LARGE1: variants seen among roughly 807,000 people sequenced by gnomAD.
LARGE1 encodes LARGE xylosyl- and glucuronyltransferase 1.
LARGE1 carries 43 observed loss-of-function variants against 87.6 expected under a neutral mutation model. That is an observed-to-expected ratio of 0.49 (90% confidence interval 0.38 to 0.63). LARGE1 has a LOEUF of 0.63. Among genes scored for constraint, LARGE1 ranks in the 30% least tolerant of loss-of-function variants. The pLI is 0.00. For synonymous variants in LARGE1, 434 were observed against 394.6 expected (o/e 1.10, Z -1.18); for missense variants, 802 against 1,000.2 (o/e 0.80, Z 2.67).
intron 1 of LARGE1, among the ~76,000 whole-genome samples, chr22:33,845,386 G>A (rs1006650971): frequency 4.6e-5 from 7 of 152,020 alleles, no homozygotes; most frequent in Admixed American, 2.0e-4. Context: ...TCAGCTCACC[G>A]CAACCTCTAC....
At chr22:33,151,925 G>C in the LARGE1 span, among the ~76,000 whole-genome samples, 1 of 136,842 alleles carries the variant, frequency 7.3e-6, no homozygotes, top group African/African-American at 2.8e-5. Context: ...TTTAGTATTG[G>C]GCAATGTTGG....
chr22:33,577,284 T>C (rs1426771254), intron 5 of LARGE1, among the ~76,000 whole-genome samples: 1 of 152,066 alleles, frequency 6.6e-6, no homozygotes, highest in Non-Finnish European at 1.5e-5. Context: ...GGAGTGATAA[T>C]ATTTAAAAAG....
At chr22:33,903,403 C>G (rs902346785) in intron 1 of LARGE1, among the ~76,000 whole-genome samples, 2 of 151,960 alleles carry the variant, frequency 1.3e-5, no homozygotes, top group Admixed American at 1.3e-4. Flanking sequence ...TTATGGCCAC[C>G]CTGGCAAACT....
chr22:33,740,091 T>A (rs1481622458), intron 2 of LARGE1, among the ~76,000 whole-genome samples: 1 of 152,184 alleles, frequency 6.6e-6, no homozygotes, highest in Non-Finnish European at 1.5e-5. Context: ...ACATCTGGCA[T>A]ACGATCTCAG....
At chr22:33,216,153 A>T (rs1180336038) in intron 11 of LARGE1, among the ~76,000 whole-genome samples, 1 of 152,142 alleles carries the variant, frequency 6.6e-6, no homozygotes, top group Non-Finnish European at 1.5e-5. Flanking sequence ...CTAAATGTCC[A>T]TATGTGCCTG....
chr22:33,408,390 T>A (rs1007990752), intron 7 of LARGE1, among the ~76,000 whole-genome samples: 4 of 152,230 alleles, frequency 2.6e-5, no homozygotes, highest in Admixed American at 6.5e-5. Flanking sequence ...GGTCCGAGGT[T>A]GGAGAGGCAG....
chr22:33,071,388 C>T, the LARGE1 span, among the ~76,000 whole-genome samples: 2 of 152,186 alleles, frequency 1.3e-5, no homozygotes, highest in African/African-American at 2.4e-5. Flanking sequence ...TGTTTATACA[C>T]GTTGTTAAAG....
rs1026093397 is a variant in LARGE1, at chr22:33,273,572, C to G, written c.*855G>C. The G allele has an allele frequency of 5.0e-6, 2 of 398,614 alleles. No individual in the cohort carries two copies. The highest frequency in any genetic ancestry group is 8.8e-6 in the Non-Finnish European group (2 of 226,220). The allele number at this position is 398,614 out of a possible 1,614,324, so 24.7% of individuals were successfully genotyped here. A position where few individuals can be genotyped will look rare whatever the true frequency, so the allele number is the denominator to read the frequency against. ...AGCCAGCCCTCGTAATTCCGCAGTC[C>G]CCATCGCTATAGCCCCTGGATTCTG... is the stretch of plus-strand genomic sequence containing the variant. On this transcript the variant is annotated 3_prime_UTR_variant, in exon 15 of 15. Transcript: ENST00000397394.
intron 11 of LARGE1, among the ~76,000 whole-genome samples, chr22:33,250,048 T>A (rs574433399): frequency 6.4e-4 from 97 of 152,282 alleles, no homozygotes; most frequent in Non-Finnish European, 1.1e-3. Context: ...AACTTTAGAA[T>A]CAGTTTGCCA....
intron 6 of LARGE1, among the ~76,000 whole-genome samples, chr22:33,460,538 G>T (rs1404348162): frequency 1.3e-5 from 2 of 152,098 alleles, no homozygotes; most frequent in African/African-American, 2.4e-5. Context: ...GTGTGTAACA[G>T]AAATAGATGA....
At chr22:33,131,033 C>CAAAAAAA in the LARGE1 span, among the ~76,000 whole-genome samples, 547 of 70,890 alleles carry the variant, frequency 7.7e-3, 38 homozygotes, top group African/African-American at 0.028. Flanking sequence ...GACTCCGTCT[C>CAAAAAAA]AAAAAAAAAA....
chr22:33,117,548 C>T, the LARGE1 span, among the ~76,000 whole-genome samples: 1 of 151,498 alleles, frequency 6.6e-6, no homozygotes, highest in Non-Finnish European at 1.5e-5. Flanking sequence ...TACAGGAAAA[C>T]ATTTTCATTT....
chr22:33,389,604 G>A (rs1162727171), intron 7 of LARGE1, among the ~76,000 whole-genome samples: 1 of 152,222 alleles, frequency 6.6e-6, no homozygotes, highest in African/African-American at 2.4e-5. Context: ...CAGCACTTTG[G>A]GAGGCTGAGG....
At chr22:33,570,605 A>G (rs2267230) in intron 5 of LARGE1, among the ~76,000 whole-genome samples, 123,585 of 145,480 alleles carry the variant, frequency 0.85, 52,963 homozygotes, top group Middle Eastern at 0.91. Context: ...CCAAGGTAGC[A>G]CCACTGCACT....
At chr22:33,885,923 G>C (rs1432909510) in intron 1 of LARGE1, among the ~76,000 whole-genome samples, 1 of 152,080 alleles carries the variant, frequency 6.6e-6, no homozygotes, top group Non-Finnish European at 1.5e-5. Flanking sequence ...CCAGCTACTG[G>C]GGAGGCTAGG....
At chr22:33,661,059 T>C (rs2081108445) in intron 2 of LARGE1, among the ~76,000 whole-genome samples, 1 of 152,132 alleles carries the variant, frequency 6.6e-6, no homozygotes, top group Non-Finnish European at 1.5e-5. Flanking sequence ...AAGACCCACA[T>C]GGGATGATTT....
intron 4 of LARGE1, among the ~76,000 whole-genome samples, chr22:33,623,110 TGCAAAG>T (rs2079807196): frequency 6.6e-6 from 1 of 151,004 alleles, no homozygotes; most frequent in Admixed American, 6.6e-5. Flanking sequence ...CTGTACATCA[TGCAAAG>T]GCCCTTTTCT....
chr22:33,176,862 G>T (rs2146152536), intron 11 of LARGE1, among the ~76,000 whole-genome samples: 1 of 152,282 alleles, frequency 6.6e-6, no homozygotes. Context: ...GTACATGTAT[G>T]TTTATTGTGG....
downstream of LARGE1, among the ~76,000 whole-genome samples, chr22:33,157,691 T>C (rs1037733296): frequency 1.3e-5 from 2 of 152,210 alleles, no homozygotes; most frequent in Non-Finnish European, 2.9e-5. Flanking sequence ...AAATCCTCCT[T>C]TTTTTGTATT....
Sources: allele counts gnomAD v4.1 joint callset (sites outside exome capture counted in the v4.1 genomes callset), GRCh38; gene constraint gnomAD v4.1.1; transcripts MANE v1.5; gene names NCBI Gene and HGNC (gene_info 2026-07-23, HGNC 2026-07-21).